Variants in NEK10 observed in about 807,000 individuals in gnomAD.
NEK10 encodes the protein NIMA related kinase 10.
In NEK10, 122 loss-of-function variants were observed where a neutral mutation model predicts 159.8. The observed-to-expected ratio is 0.76, with a 90% CI of 0.66 to 0.89. The LOEUF (loss-of-function observed/expected upper bound fraction) is 0.89, where lower values mean the gene tolerates loss of function less well. Among genes scored for constraint, NEK10 ranks in the 40% least tolerant of loss-of-function variants. NEK10 has a pLI of 0.00. For synonymous variants in NEK10, 466 were observed against 457.1 expected (o/e 1.02, Z -0.25); for missense variants, 1,342 against 1,323.1 (o/e 1.01, Z -0.22).
chr3:27,202,513 A>AAG lies in NEK10; in HGVS notation c.2134_2135insCT (p.Val712AlafsTer5). The AAG allele has an allele frequency of 6.2e-7, 1 of 1,612,922 alleles. No homozygotes were observed. ...ATAAAGGATGCAGCCTACTGCCCAG[A>AAG]CATCAGCCTTCTCCCCATACGGCTC... On this transcript the variant is annotated frameshift_variant, in exon 24 of 36. Transcript: ENST00000691995. LOFTEE classifies it high-confidence loss of function.
At chr3:27,331,230 T>G (rs2046368571) in intron 5 of NEK10, among the ~76,000 whole-genome samples, 1 of 29,202 alleles carries the variant, frequency 3.4e-5, no homozygotes, top group Non-Finnish European at 6.0e-5. Context: ...AAAGTAAGAC[T>G]CTGTCTCAAA....
At chr3:27,168,325 G>A (rs1053860819) in intron 29 of NEK10, among the ~76,000 whole-genome samples, 1 of 151,106 alleles carries the variant, frequency 6.6e-6, no homozygotes, top group Non-Finnish European at 1.5e-5. Flanking sequence ...CTATTATGTA[G>A]CTTTGCTATC....
In NEK10 at chr3:27,162,715, G is replaced by T. The variant is rs1369029803; in HGVS notation, c.2855C>A (p.Ser952Ter). Residue 952 changes from serine to a stop codon, truncating the protein, a stop_gained, in exon 30 of 36, where the codon TCA becomes TAA. Coordinates refer to ENST00000691995, the MANE Select transcript of NEK10 (RefSeq NM_001394966.1). LOFTEE classifies it high-confidence loss of function. ...QTRDFTGGTG[S>*]RPRPASAGIA... is the part of the protein sequence containing the mutation. ...CACTAAGTTACCTGGTCTTGGTCTT[G>T]ATCCTGTTCCTCCAGTGAAGTCCCT... 6.2e-7 allele frequency: 1 copy of T among 1,614,076 alleles called. No individual in the cohort carries two copies. Among genetic ancestry groups the T allele is most frequent in the Non-Finnish European group, 8.5e-7 (1 of 1,179,966 alleles).
intron 32 of NEK10, among the ~76,000 whole-genome samples, chr3:27,124,144 C>T (rs1334147170): frequency 1.3e-5 from 2 of 151,982 alleles, no homozygotes; most frequent in Non-Finnish European, 2.9e-5. Context: ...GAGGCTCCTA[C>T]AAGTAAGGGG....
intron 26 of NEK10, among the ~76,000 whole-genome samples, chr3:27,184,008 T>C (rs1948382303): frequency 6.6e-6 from 1 of 152,166 alleles, no homozygotes; most frequent in Non-Finnish European, 1.5e-5. Flanking sequence ...AGTACAATTT[T>C]GAAGAACTAT....
At chr3:27,323,107 A>G (rs1259827718) in intron 5 of NEK10, among the ~76,000 whole-genome samples, 1 of 152,196 alleles carries the variant, frequency 6.6e-6, no homozygotes, top group Non-Finnish European at 1.5e-5. Flanking sequence ...GACTGAAAAC[A>G]TGCTCTCAGG....
intron 32 of NEK10, 136 bp from the exon 33 acceptor site, chr3:27,120,004 A>T: frequency 1.7e-6 from 1 of 576,822 alleles, no homozygotes. Flanking sequence ...ATCCCTTGTA[A>T]ATAGATAAAG....
intron 23 of NEK10, among the ~76,000 whole-genome samples, chr3:27,239,158 A>G (rs1954283935): frequency 6.6e-6 from 1 of 152,074 alleles, no homozygotes; most frequent in Admixed American, 6.6e-5. Flanking sequence ...AATTCTCACA[A>G]TTGGCTAAAA....
At chr3:27,349,818 T>C (rs968690148) in intron 3 of NEK10, among the ~76,000 whole-genome samples, 1 of 152,176 alleles carries the variant, frequency 6.6e-6, no homozygotes, top group African/African-American at 2.4e-5. Flanking sequence ...TGGGTTTTCC[T>C]GGATTATGAT....
intron 23 of NEK10, among the ~76,000 whole-genome samples, chr3:27,224,479 TGA>T (rs1378769854): frequency 1.3e-5 from 2 of 152,208 alleles, no homozygotes; most frequent in Non-Finnish European, 2.9e-5. Flanking sequence ...CTTTCATCAA[TGA>T]GAGACAGGAA....
intron 16 of NEK10, among the ~76,000 whole-genome samples, chr3:27,293,256 G>A (rs1355957607): frequency 2.6e-5 from 4 of 152,134 alleles, no homozygotes; most frequent in Non-Finnish European, 5.9e-5. Context: ...AAAAAAAGAA[G>A]CTCATATTTT....
intron 1 of NEK10, among the ~76,000 whole-genome samples, chr3:27,363,116 C>T (rs1039863038): frequency 5.3e-5 from 8 of 152,178 alleles, no homozygotes; most frequent in Non-Finnish European, 1.0e-4. Flanking sequence ...CACAGAGTTA[C>T]TCCTCCTGAA....
chr3:27,263,199 C>T (rs903252072), intron 22 of NEK10, among the ~76,000 whole-genome samples: 3 of 152,134 alleles, frequency 2.0e-5, no homozygotes, highest in East Asian at 1.9e-4. Context: ...GAGGAGTACA[C>T]GGCCATGTGA....
chr3:27,321,015 A>T (rs906151608), intron 6 of NEK10, among the ~76,000 whole-genome samples: 7 of 152,216 alleles, frequency 4.6e-5, no homozygotes, highest in African/African-American at 1.7e-4. Context: ...CCTGTAAAAC[A>T]GAGGATGGTT....
intron 3 of NEK10, among the ~76,000 whole-genome samples, chr3:27,349,688 G>T (rs2047829586): frequency 1.3e-5 from 2 of 152,210 alleles, no homozygotes; most frequent in South Asian, 4.1e-4. Context: ...AAAATAATCT[G>T]AATTCCAGGT....
At chr3:27,130,982 T>A (rs1376891305) in intron 32 of NEK10, among the ~76,000 whole-genome samples, 1 of 152,178 alleles carries the variant, frequency 6.6e-6, no homozygotes, top group Non-Finnish European at 1.5e-5. Flanking sequence ...CAGATACCAG[T>A]GATGTGAAAC....
At chr3:27,244,444 A>C (rs1424791012) in intron 23 of NEK10, among the ~76,000 whole-genome samples, 1 of 152,224 alleles carries the variant, frequency 6.6e-6, no homozygotes, top group Non-Finnish European at 1.5e-5. Context: ...TCAATAAACA[A>C]TGGAATCCCT....
At chr3:27,294,698 A>C (rs1438962885) in intron 15 of NEK10, among the ~76,000 whole-genome samples, 2 of 152,096 alleles carry the variant, frequency 1.3e-5, no homozygotes, top group African/African-American at 4.8e-5. Flanking sequence ...TTTGGCCATC[A>C]TTTTGGATGA....
chr3:27,229,442 T>C (rs1350212877), intron 23 of NEK10, among the ~76,000 whole-genome samples: 5 of 152,174 alleles, frequency 3.3e-5, no homozygotes, highest in Admixed American at 2.6e-4. Flanking sequence ...AAAGTAATTC[T>C]GGCAATATGA....
Sources: gnomAD v4.1 joint callset for allele counts (sites outside exome capture counted in the v4.1 genomes callset) on GRCh38, gnomAD v4.1.1 for gene constraint, MANE v1.5 for transcripts, NCBI Gene and HGNC (gene_info 2026-07-23, HGNC 2026-07-21) for gene names.